Variants in PRSS23 observed in about 807,000 individuals in gnomAD.
PRSS23 encodes protease, serine 23.
A neutral mutation model predicts 34.7 loss-of-function variants in PRSS23; 25 were observed. The ratio of observed to expected loss-of-function variants is 0.72; its 90% CI spans 0.53 to 1.01. The LOEUF is 1.01. Among genes scored for constraint, PRSS23 ranks in the 50% least tolerant of loss-of-function variants. The pLI is 0.00. For synonymous variants in PRSS23, 176 were observed against 186.6 expected (o/e 0.94, Z 0.46); for missense variants, 445 against 475.6 (o/e 0.94, Z 0.60).
At chr11:86,878,807 T>C (rs935796677) in intron 2 of PRSS23, among the ~76,000 whole-genome samples, 2 of 151,236 alleles carry the variant, frequency 1.3e-5, no homozygotes, top group African/African-American at 4.9e-5. Context: ...CCATCCCATC[T>C]AGGAAGTGAG....
intron 2 of PRSS23, among the ~76,000 whole-genome samples, chr11:86,848,549 C>A (rs947320275): frequency 6.6e-6 from 1 of 152,164 alleles, no homozygotes; most frequent in African/African-American, 2.4e-5. Flanking sequence ...AAGAAAATCC[C>A]CTCAGCCTTT....
intron 2 of PRSS23, among the ~76,000 whole-genome samples, chr11:86,828,543 T>C (rs1449789571): frequency 6.6e-6 from 1 of 152,170 alleles, no homozygotes; most frequent in African/African-American, 2.4e-5. Flanking sequence ...CATTATGATG[T>C]TAGCTGGTTA....
At chr11:86,840,731 G>A (rs910420777) in intron 2 of PRSS23, among the ~76,000 whole-genome samples, 2 of 152,194 alleles carry the variant, frequency 1.3e-5, no homozygotes, top group African/African-American at 4.8e-5. Context: ...CTCAGCAAAT[G>A]TAAAAGAACA....
intron 2 of PRSS23, among the ~76,000 whole-genome samples, chr11:86,838,891 G>A (rs553753995): frequency 6.6e-6 from 1 of 152,188 alleles, no homozygotes; most frequent in Non-Finnish European, 1.5e-5. Context: ...TGAGGGGCCT[G>A]ACTGTTAGAA....
rs556129104 is a variant in PRSS23, at chr11:86,864,460, G to A, written c.206+40867G>A. Among the ~76,000 whole-genome samples, 3 of 152,312 alleles carry A rather than the reference G, an allele frequency of 2.0e-5. No homozygotes were observed. The South Asian group carries it at 6.2e-4, about 32-fold the overall frequency. On this transcript the variant is annotated intron_variant, in intron 2 of 2. Coordinates refer to the PRSS23 transcript ENST00000533902. ...CACGTAGTCATGCCTAAGAAGCATG[G>A]CCAGTGGTGGCCAATGACAATCCTG...
At chr11:86,843,364 A>G (rs1446686119) in intron 2 of PRSS23, among the ~76,000 whole-genome samples, 1 of 152,252 alleles carries the variant, frequency 6.6e-6, no homozygotes, top group Non-Finnish European at 1.5e-5. Context: ...GGCGTGGGCA[A>G]AGACTTCATG....
chr11:86,839,084 TCTC>T lies in PRSS23; in HGVS notation c.206+15496_206+15498del, dbSNP rs1351561121. Among the ~76,000 whole-genome samples, 4 of 151,418 alleles carry T rather than the reference TCTC, an allele frequency of 2.6e-5. No homozygotes were observed. The East Asian group carries it at 7.7e-4, about 29-fold the overall frequency. On this transcript the variant is annotated intron_variant, in intron 2 of 2. Transcript: ENST00000533902. ...AAAAAAAAAACAACAGAGCGCCTCT[TCTC>T]CTCCAAAGGATTGCAGCTCCTCGCC... is the stretch of plus-strand genomic sequence containing the variant.
intron 2 of PRSS23, among the ~76,000 whole-genome samples, chr11:86,916,306 T>C (rs1949012425): frequency 6.6e-6 from 1 of 152,134 alleles, no homozygotes; most frequent in Non-Finnish European, 1.5e-5. Context: ...TATAAGAATA[T>C]GGAATTTTAA....
intron 1 of PRSS23, among the ~76,000 whole-genome samples, chr11:86,820,331 A>G (rs117427973): frequency 8.2e-4 from 125 of 152,362 alleles, no homozygotes; most frequent in Non-Finnish European, 1.2e-3. Context: ...TCTGTAAGCA[A>G]TTAATACAAA....
intron 2 of PRSS23, chr11:86,837,750 G>T (rs574927214): frequency 6.6e-6 from 1 of 152,272 alleles, no homozygotes; most frequent in South Asian, 2.1e-4. Context: ...CTGGGTGACA[G>T]AGCGAGACTC....
chr11:86,809,010 AG>A lies in PRSS23; in HGVS notation c.*216del. 1 of 444,708 alleles carries A rather than the reference AG, an allele frequency of 2.2e-6. No individual in the cohort carries two copies. The highest frequency in any genetic ancestry group is 2.0e-5 in the African/African-American group (1 of 49,648). 27.5% of individuals were successfully genotyped at this position (444,708 alleles called of 1,614,324 possible). On this transcript the variant is annotated 3_prime_UTR_variant, in exon 2 of 2. Coordinates refer to ENST00000280258, the MANE Select transcript of PRSS23 (RefSeq NM_007173.6). The stretch of plus-strand genomic sequence containing the variant: ...GTATCATATCATATATCATTTAAGC[AG>A]TTTGAAGGCATACTTTTGCATAGAA...
intron 1 of PRSS23, among the ~76,000 whole-genome samples, chr11:86,802,633 G>C (rs1412442480): frequency 6.6e-6 from 1 of 152,180 alleles, no homozygotes; most frequent in Non-Finnish European, 1.5e-5. Flanking sequence ...TGTCATTACT[G>C]TTTATAGCGG....
At chr11:86,877,031 A>T (rs576667050) in intron 2 of PRSS23, among the ~76,000 whole-genome samples, 2 of 152,300 alleles carry the variant, frequency 1.3e-5, no homozygotes, top group African/African-American at 4.8e-5. Context: ...TAGCCATCTC[A>T]ATGAGCGAGG....
chr11:86,858,952 C>G (rs1948592907), intron 2 of PRSS23, among the ~76,000 whole-genome samples: 1 of 151,358 alleles, frequency 6.6e-6, no homozygotes, highest in African/African-American at 2.4e-5. Flanking sequence ...AGGCAGTACA[C>G]CTCACCTGTG....
chr11:86,935,558 T>A (rs1949155770), intron 2 of PRSS23: 1 of 152,238 alleles, frequency 6.6e-6, no homozygotes, highest in African/African-American at 2.4e-5. Context: ...TGTTTTCAAA[T>A]CATTGTTGCA....
intron 2 of PRSS23, among the ~76,000 whole-genome samples, chr11:86,840,055 T>G (rs932482017): frequency 1.3e-5 from 2 of 151,714 alleles, no homozygotes; most frequent in Non-Finnish European, 2.9e-5. Context: ...ATGGACAAAA[T>G]AACCAGCTAA....
intron 1 of PRSS23, among the ~76,000 whole-genome samples, chr11:86,818,116 G>C (rs1317723080): frequency 1.3e-5 from 2 of 152,154 alleles, no homozygotes; most frequent in African/African-American, 4.8e-5. Context: ...CAACTGATTA[G>C]CACATACCAA....
intron 2 of PRSS23, among the ~76,000 whole-genome samples, chr11:86,839,844 C>T (rs1170753753): frequency 1.4e-5 from 2 of 145,634 alleles, no homozygotes; most frequent in African/African-American, 2.6e-5. Context: ...TCGTATGCAG[C>T]CAAACTAAGC....
upstream of PRSS23, among the ~76,000 whole-genome samples, chr11:86,797,740 A>G (rs72969411): frequency 0.085 from 12,874 of 152,332 alleles, 782 homozygotes; most frequent in Non-Finnish European, 0.12. Flanking sequence ...TGTGATAAAT[A>G]TAACAATACC....
Sources: gnomAD v4.1 joint callset for allele counts (sites outside exome capture counted in the v4.1 genomes callset) on GRCh38, gnomAD v4.1.1 for gene constraint, MANE v1.5 for transcripts, NCBI Gene and HGNC (gene_info 2026-07-23, HGNC 2026-07-21) for gene names.